Variants in KIAA0408 observed in about 807,000 individuals in gnomAD.
KIAA0408 encodes the protein KIAA0408.
In KIAA0408, 51 loss-of-function variants were observed where a neutral mutation model predicts 60.9. The observed-to-expected ratio is 0.84, with a 90% CI of 0.67 to 1.06. The LOEUF is 1.06. Ranked by LOEUF, KIAA0408 falls within the 50% of genes least tolerant of loss-of-function variation. KIAA0408 has a pLI of 0.00. For synonymous variants in KIAA0408, 304 were observed against 282.4 expected (o/e 1.08, Z -0.77); for missense variants, 787 against 833.9 (o/e 0.94, Z 0.69).
Position 127,442,787 on chromosome 6 carries a change from A to G in KIAA0408, c.*1322T>C, listed in dbSNP as rs1773126505. Reference sequence around the variant, plus strand: ...GCTTAAATAGAGTTAATATCTAATAACATAACATAATTGGTTTTATATAGT... The same window carrying G: ...GCTTAAATAGAGTTAATATCTAATAGCATAACATAATTGGTTTTATATAGT... On this transcript the variant is annotated 3_prime_UTR_variant, in exon 6 of 6. Transcript: ENST00000483725. The G allele has an allele frequency of 6.6e-6, 1 of 152,230 alleles. No homozygotes were observed. 9.4% of individuals were successfully genotyped at this position (152,230 alleles called of 1,614,324 possible). A position where few individuals can be genotyped will look rare whatever the true frequency, so the allele number is the denominator to read the frequency against.
chr6:127,453,652 A>C (rs1449608071), intron 2 of KIAA0408, among the ~76,000 whole-genome samples, 195 bp downstream of exon 2: 1 of 152,120 alleles, frequency 6.6e-6, no homozygotes, highest in Non-Finnish European at 1.5e-5. Flanking sequence ...CTTAATTTTC[A>C]TGCAATGATA....
At chr6:127,445,403 T>C (rs947715351) in intron 5 of KIAA0408, among the ~76,000 whole-genome samples, 3 of 152,282 alleles carry the variant, frequency 2.0e-5, no homozygotes, top group South Asian at 2.1e-4. Context: ...AGCAGAGAAA[T>C]ACAAAAGCAG....
chr6:127,454,744 C>T (rs962541281), intron 1 of KIAA0408, among the ~76,000 whole-genome samples: 5 of 152,016 alleles, frequency 3.3e-5, no homozygotes, highest in Admixed American at 6.6e-5. Flanking sequence ...GTGAAATATA[C>T]GTTAAAATTT....
intron 1 of KIAA0408, among the ~76,000 whole-genome samples, chr6:127,458,361 T>C (rs1773431162): frequency 6.6e-6 from 1 of 152,226 alleles, no homozygotes; most frequent in Non-Finnish European, 1.5e-5. Flanking sequence ...TTCATTGCTG[T>C]GTATTGCTGA....
chr6:127,450,515 T>G lies in KIAA0408; in HGVS notation c.136-163A>C, dbSNP rs544450504. The G allele has an allele frequency of 5.4e-5, 64 of 1,180,504 alleles. 3 individuals carry two copies. The South Asian group carries it at 1.3e-3, about 24-fold the overall frequency. The allele number at this position is 1,180,504 out of a possible 1,614,324, so 73.1% of individuals were successfully genotyped here. On this transcript the variant is annotated intron_variant, in intron 2 of 5. Transcript: ENST00000483725. ...CAAATAGTGCCTCTAAAATATGGAT[T>G]AGCTGGAACAAGTTTGATGAAACAT...
rs1017529081 is a variant in KIAA0408 at position 127,459,207 on chromosome 6, C to G, written c.-153G>C. 1 of 152,190 alleles carries G rather than the reference C, an allele frequency of 6.6e-6. No individual in the cohort carries two copies. The highest frequency in any genetic ancestry group is 1.5e-5 in the Non-Finnish European group (1 of 68,034). 9.4% of individuals were successfully genotyped at this position (152,190 alleles called of 1,614,324 possible). On this transcript the variant is annotated 5_prime_UTR_variant, in exon 1 of 6. Transcript: ENST00000483725. ...ACTGGGGAGAAATCCTATGGATGCT[C>G]GACCACTGGTCAATTAGCAGTGGAA...
In KIAA0408 at chr6:127,450,777, C is replaced by G. The variant is rs146987822; in HGVS notation, c.136-425G>C. 20 of 164,570 alleles carry G rather than the reference C, an allele frequency of 1.2e-4. No homozygotes were observed. In the East Asian group the frequency reaches 3.3e-3, roughly 27 times the overall value. 10.2% of individuals were successfully genotyped at this position (164,570 alleles called of 1,614,324 possible). On this transcript the variant is annotated intron_variant, in intron 2 of 5. Transcript: ENST00000483725. ...GTCCTACTTGTACACTAACATTTAA[C>G]TGTCTAAATGCTTGACAATCTCAGA... is the stretch of plus-strand genomic sequence containing the variant.
intron 2 of KIAA0408, 29 bp downstream of exon 2, chr6:127,453,818 C>T (rs1340707021): frequency 1.2e-6 from 2 of 1,602,802 alleles, no homozygotes; most frequent in African/African-American, 2.7e-5. Context: ...TTAAACATTA[C>T]AGTATATCCA....
At chr6:127,444,344 G>T in intron 5 of KIAA0408, 62 bp from the exon 6 acceptor site, 1 of 1,325,316 alleles carries the variant, frequency 7.5e-7, no homozygotes, top group Non-Finnish European at 1.0e-6. Flanking sequence ...CTTAATATAT[G>T]ATGGGTCTCA....
intron 1 of KIAA0408, among the ~76,000 whole-genome samples, chr6:127,455,303 C>T (rs1276158770): frequency 1.3e-5 from 2 of 152,118 alleles, no homozygotes; most frequent in East Asian, 3.8e-4. Flanking sequence ...GGACAAAGAT[C>T]CCAACAGTCA....
chr6:127,452,062 G>A (rs1474417708), intron 2 of KIAA0408, among the ~76,000 whole-genome samples: 1 of 152,098 alleles, frequency 6.6e-6, no homozygotes, highest in Admixed American at 6.6e-5. Flanking sequence ...TTTTGCCATA[G>A]CAAATGCAAT....
chr6:127,444,399 A>G (rs2114787937), intron 5 of KIAA0408, 117 bp from the exon 6 acceptor site: 4 of 789,602 alleles, frequency 5.1e-6, no homozygotes, highest in Non-Finnish European at 5.7e-6. Flanking sequence ...AAGAAAAAGC[A>G]TTGAAAACTA....
intron 1 of KIAA0408, among the ~76,000 whole-genome samples, chr6:127,457,860 C>T (rs1354464824): frequency 3.3e-5 from 5 of 152,188 alleles, no homozygotes; most frequent in Admixed American, 6.5e-5. Flanking sequence ...ACCTCCAACT[C>T]GCCCATTGAA....
Position 127,450,064 on chromosome 6 carries a change from T to C in KIAA0408, c.424A>G (p.Lys142Glu). The C allele has an allele frequency of 6.2e-7, 1 of 1,614,148 alleles. No individual in the cohort carries two copies. Among genetic ancestry groups the C allele is most frequent in the Non-Finnish European group, 8.5e-7 (1 of 1,179,996 alleles). Reference protein sequence around the residue: ...FLDPLATDNQKECEAWPDLRT... With the variant: ...FLDPLATDNQEECEAWPDLRT... The stretch of plus-strand genomic sequence containing the variant: ...AGGTCAGGCCAGGCCTCACATTCCT[T>C]TTGGTTGTCTGTAGCCAAAGGATCC... Residue 142 changes from lysine to glutamate, a missense_variant, in exon 3 of 6, where the codon AAG becomes GAG. Lys to Glu is a moderately conservative substitution (Grantham distance 56). Coordinates refer to ENST00000483725, the MANE Select transcript of KIAA0408 (RefSeq NM_014702.5).
chr6:127,449,695 C>T (rs1773265389), intron 4 of KIAA0408, 127 bp downstream of exon 4: 3 of 1,261,680 alleles, frequency 2.4e-6, no homozygotes, highest in East Asian at 4.9e-5. Flanking sequence ...CTATCTCCCA[C>T]CCTAGATAGT....
Position 127,442,027 on chromosome 6 carries a change from G to A in KIAA0408, c.*2082C>T, listed in dbSNP as rs1773115159. 6.6e-6 allele frequency: 1 copy of A among 152,072 alleles called. No individual in the cohort carries two copies. The highest frequency in any genetic ancestry group is 1.5e-5 in the Non-Finnish European group (1 of 68,018). 9.4% of individuals were successfully genotyped at this position (152,072 alleles called of 1,614,324 possible). On this transcript the variant is annotated 3_prime_UTR_variant, in exon 6 of 6. Transcript: ENST00000483725. The stretch of plus-strand genomic sequence containing the variant: ...CTAGGAAGAAAAGTGACCACCCAAG[G>A]GCATCCATCCATTCAGAGATCAAGC...
At position 127,441,777 on chromosome 6, in the gene KIAA0408, G is replaced by C. The variant is rs1773111177; in HGVS notation, c.*2332C>G. 1 of 152,072 alleles carries C rather than the reference G, an allele frequency of 6.6e-6. No individual in the cohort carries two copies. Among genetic ancestry groups the C allele is most frequent in the African/African-American group, 2.4e-5 (1 of 41,520 alleles). 9.4% of individuals were successfully genotyped at this position (152,072 alleles called of 1,614,324 possible). ...TTAAAAGTTATAAAATATTTAAAAA[G>C]AGAAAACAGAACATTCAAATAACCT... On this transcript the variant is annotated 3_prime_UTR_variant, in exon 6 of 6. Transcript: ENST00000483725.
intron 4 of KIAA0408, 95 bp from the exon 5 acceptor site, chr6:127,447,835 A>C (rs1773231557): frequency 1.2e-5 from 17 of 1,416,334 alleles, no homozygotes; most frequent in Non-Finnish European, 1.5e-5. Flanking sequence ...TTCTGCTATA[A>C]GAAAAGGATT....
chr6:127,447,273 T>A lies in KIAA0408; in HGVS notation c.1046A>T (p.Lys349Met), dbSNP rs1007997046. The A allele has an allele frequency of 6.2e-7, 1 of 1,614,082 alleles. No homozygotes were observed. Among genetic ancestry groups the A allele is most frequent in the East Asian group, 2.2e-5 (1 of 44,882 alleles). The change falls in exon 5 of 6, where the codon AAG (lysine) becomes ATG (methionine). Residue 349 changes from lysine to methionine, a missense_variant. Transcript: ENST00000483725. ...SLVPEVKIDS[K>M]PPSNEDVGLS... ...TCCAACATCTTCATTACTTGGAGGC[T>A]TGCTATCTATTTTGACTTCTGGTAC...
Sources: allele counts gnomAD v4.1 joint callset (sites outside exome capture counted in the v4.1 genomes callset), GRCh38; gene constraint gnomAD v4.1.1; transcripts MANE v1.5; gene names NCBI Gene and HGNC (gene_info 2026-07-23, HGNC 2026-07-21).